LTK: variants seen among roughly 807,000 people sequenced by gnomAD.
The protein encoded by LTK is leukocyte tyrosine kinase receptor.
Under a neutral mutation model 101.5 loss-of-function variants are expected in LTK, and 117 were observed. The ratio of observed to expected loss-of-function variants is 1.15; its 90% CI spans 0.99 to 1.34. LTK has a LOEUF of 1.34. Ranked by LOEUF, LTK falls within the 40% of genes most tolerant of loss-of-function variation. The pLI, the probability that LTK is intolerant of heterozygous loss-of-function variation, is 0.00. For synonymous variants in LTK, 563 were observed against 494.2 expected (o/e 1.14, Z -1.85); for missense variants, 1,252 against 1,164.7 (o/e 1.07, Z -1.09).
In LTK at chr15:41,512,223, G is replaced by T. The variant is rs749488867; in HGVS notation, c.402C>A (p.Asn134Lys). Reference protein sequence around the residue: ...YGAAGGKGAKNHLSRAHGVFV... With the variant: ...YGAAGGKGAKKHLSRAHGVFV... ...AGACGCCATGCGCCCGCGACAGGTG[G>T]TTCTTGGCGCCTTTGCCGCCCGCGG... The change falls in exon 4 of 20, where the codon AAC becomes AAA. Residue 134 changes from asparagine to lysine, a missense_variant. Transcript: ENST00000263800. 1.9e-6 allele frequency: 3 copies of T among 1,612,992 alleles called. No homozygotes were observed. The highest frequency in any genetic ancestry group is 1.7e-6 in the Non-Finnish European group (2 of 1,179,838).
chr15:41,504,136 G>T lies in LTK; in HGVS notation c.2455C>A (p.Gln819Lys). The T allele has an allele frequency of 1.2e-6, 2 of 1,614,090 alleles. No homozygotes were observed. The highest frequency in any genetic ancestry group is 1.3e-5 in the African/African-American group (1 of 75,068). ...NRSLECLRPP[Q>K]PQELSPEKLK... Reference sequence around the variant, plus strand: ...TTCTCTGGACTCAGTTCCTGGGGCTGTGGGGGTCTTAGGCACTCCAAAGAT... The same window carrying T: ...TTCTCTGGACTCAGTTCCTGGGGCTTTGGGGGTCTTAGGCACTCCAAAGAT... Residue 819 changes from glutamine (Q) to lysine (K), a missense_variant, in exon 20 of 20, where the codon CAG becomes AAG. Transcript: ENST00000263800.
Position 41,513,520 on chromosome 15 carries a change from C to G in LTK, c.43+147G>C, listed in dbSNP as rs1368577884. 3 of 760,130 alleles carry G rather than the reference C, an allele frequency of 3.9e-6. No individual in the cohort carries two copies. In the African/African-American group the frequency reaches 5.2e-5, roughly 13 times the overall value. 47.1% of individuals were successfully genotyped at this position (760,130 alleles called of 1,614,324 possible). On this transcript the variant is annotated intron_variant, in intron 1 of 19. Transcript: ENST00000263800. ...CGCACTTGGCGCTTCTCGGCCCGCA[C>G]TCCAGAAGCACGGACCGGAGAAATT...
At chr15:41,506,332 T>G (rs2051281699) in intron 11 of LTK, among the ~76,000 whole-genome samples, 1 of 152,192 alleles carries the variant, frequency 6.6e-6, no homozygotes, top group African/African-American at 2.4e-5. Flanking sequence ...TTAAACGAAG[T>G]CTCACTCTGT....
In LTK at chr15:41,509,117, G is replaced by A; in HGVS notation, c.1010C>T (p.Ser337Leu). The A allele has an allele frequency of 6.2e-7, 1 of 1,612,158 alleles. No individual in the cohort carries two copies. Among genetic ancestry groups the A allele is most frequent in the Admixed American group, 1.7e-5 (1 of 60,008 alleles). ...ATCAGCCCAGAGGTTGTCAGTCTCT[G>A]AAGCGTCGCCCCCTGGAAGTGGAGA... ...GGGGYRGGDA[S>L]ETDNLWADGE... is the part of the protein sequence containing the mutation. Residue 337 changes from serine (S) to leucine (L), a missense_variant, in exon 8 of 20, where the codon TCA becomes TTA. By Grantham distance (145) the Ser-to-Leu change is moderately radical. Coordinates refer to ENST00000263800, the MANE Select transcript of LTK (RefSeq NM_002344.6).
At position 41,504,640 on chromosome 15, in the gene LTK, C is replaced by T. The variant is rs763155829; in HGVS notation, c.2121G>A (p.Trp707Ter). The change falls in exon 18 of 20, where the codon TGG becomes TGA. Residue 707 changes from tryptophan to a stop codon, truncating the protein, a stop_gained and splice_region_variant. Coordinates refer to ENST00000263800, the MANE Select transcript of LTK (RefSeq NM_002344.6). LOFTEE classifies it high-confidence loss of function. ...TCTCCCAGAGCAGCACCCCAAAAGA[C>T]CTGCATCACAAGTGGGGGAACCAAG... ...EGIFTSKTDS[W>*]SFGVLLWEIF... The T allele has an allele frequency of 3.1e-6, 5 of 1,612,438 alleles. No homozygotes were observed. Among genetic ancestry groups the T allele is most frequent in the South Asian group, 2.2e-5 (2 of 90,986 alleles).
rs753210187 is a variant in LTK, at chr15:41,507,558, G to A, written c.1345+4C>T. 1.4e-5 allele frequency: 22 copies of A among 1,613,302 alleles called. No individual in the cohort carries two copies. Among genetic ancestry groups the A allele is most frequent in the Middle Eastern group, 1.6e-4 (1 of 6,082 alleles). On this transcript the variant is annotated splice_donor_region_variant and intron_variant, in intron 10 of 19. Transcript: ENST00000263800. ...ATCAACTGTGCCTGCTAGACGCTTCGTACCCAGAATCAGGACCCCACACAC... is the reference window on the plus strand; with the variant it reads ...ATCAACTGTGCCTGCTAGACGCTTCATACCCAGAATCAGGACCCCACACAC...
At chr15:41,504,947 C>G (rs368894673) in intron 16 of LTK, 25 bp downstream of exon 16, 1 of 1,599,276 alleles carries the variant, frequency 6.3e-7, no homozygotes, top group Admixed American at 1.7e-5. Flanking sequence ...GGAGCAAGAG[C>G]CTTCCCACCT....
rs771858625 is a variant in LTK, at chr15:41,507,245, C to T, written c.1391G>A (p.Ser464Asn). The T allele has an allele frequency of 5.0e-6, 8 of 1,608,930 alleles. No homozygotes were observed. The highest frequency in any genetic ancestry group is 2.2e-5 in the South Asian group (2 of 90,722). ...AAGCTTGCTCAGCTCAAGCTCAGGGCTCGGCAGCCTCATCTCCTGCAGGCC... is the reference window on the plus strand; with the variant it reads ...AAGCTTGCTCAGCTCAAGCTCAGGGTTCGGCAGCCTCATCTCCTGCAGGCC... ...WQGLQEMRLP[S>N]PELELSKLRT... The change falls in exon 11 of 20, where the codon AGC becomes AAC. Residue 464 changes from serine (S) to asparagine (N), a missense_variant. Physicochemically the swap from Ser to Asn is conservative, Grantham distance 46. Coordinates refer to ENST00000263800, the MANE Select transcript of LTK (RefSeq NM_002344.6).
Position 41,504,385 on chromosome 15 carries a change from G to A in LTK, c.2303C>T (p.Pro768Leu), listed in dbSNP as rs2051177448. The A allele has an allele frequency of 1.2e-6, 2 of 1,614,172 alleles. No individual in the cohort carries two copies. The highest frequency in any genetic ancestry group is 2.7e-5 in the African/African-American group (2 of 75,056). ...ACGCTCCAAGATGCTGGCAAAGCTA[G>A]GGCGGAGCTCAGGCTCGTGCTGCCA... ...QCWQHEPELR[P>L]SFASILERLQ... Residue 768 changes from proline to leucine, a missense_variant, in exon 19 of 20, where the codon CCT (proline) becomes CTT (leucine). By Grantham distance (98) the Pro-to-Leu change is moderately conservative (BLOSUM62 -3). Transcript: ENST00000263800.
In LTK at chr15:41,512,741, G is replaced by T. The variant is rs765867587; in HGVS notation, c.325C>A (p.Gln109Lys). 5 of 1,606,988 alleles carry T rather than the reference G, an allele frequency of 3.1e-6. No individual in the cohort carries two copies. The highest frequency in any genetic ancestry group is 4.2e-6 in the Non-Finnish European group (5 of 1,178,224). ...VGAAGQLRGV[Q>K]LWRVPGPGQY... is the part of the protein sequence containing the mutation. Reference sequence around the variant, plus strand: ...CCAGGGCCCGGCACGCGCCACAGCTGCACGCCTCTCAGCTGCCCGGCGGCC... The same window carrying T: ...CCAGGGCCCGGCACGCGCCACAGCTTCACGCCTCTCAGCTGCCCGGCGGCC... Residue 109 changes from glutamine (Q) to lysine (K), a missense_variant, in exon 3 of 20, where the codon CAG (glutamine) becomes AAG (lysine). By Grantham distance (53) the Gln-to-Lys change is moderately conservative. Coordinates refer to ENST00000263800, the MANE Select transcript of LTK (RefSeq NM_002344.6).
intron 12 of LTK, 21 bp downstream of exon 12, chr15:41,505,894 C>T (rs371437207): frequency 1.8e-5 from 29 of 1,609,100 alleles, no homozygotes; most frequent in Non-Finnish European, 2.4e-5. Flanking sequence ...TACCCCCAGC[C>T]AGAAGTCCCA....
At position 41,511,561 on chromosome 15, in the gene LTK, C is replaced by A; in HGVS notation, c.675G>T (p.Leu225=). Residue 225 remains leucine (L), a synonymous_variant, in exon 6 of 20, where the codon CTG becomes CTT. Coordinates refer to ENST00000263800, the MANE Select transcript of LTK (RefSeq NM_002344.6). This position sits in a 1 kb window ranked among gnomAD's most constrained non-coding sequence, Gnocchi z 5.9. Reference sequence around the variant, plus strand: ...CTCCGGCCGCCACCAGCAACGGTTCCAGCTCGCCAGCGCGCACCTGTGGGG... The same window carrying A: ...CTCCGGCCGCCACCAGCAACGGTTCAAGCTCGCCAGCGCGCACCTGTGGGG... The part of the protein sequence containing the change: ...TYVFRVRAGE[L]EPLLVAAGGG... The A allele has an allele frequency of 6.9e-7, 1 of 1,449,584 alleles. No individual in the cohort carries two copies. The highest frequency in any genetic ancestry group is 9.0e-7 in the Non-Finnish European group (1 of 1,113,208). 89.8% of individuals were successfully genotyped at this position (1,449,584 alleles called of 1,614,324 possible). A position where few individuals can be genotyped will look rare whatever the true frequency, so the allele number is the denominator to read the frequency against.
At chr15:41,507,414 C>T in intron 10 of LTK, 124 bp from the exon 11 acceptor site, 1 of 1,519,712 alleles carries the variant, frequency 6.6e-7, no homozygotes, top group Non-Finnish European at 8.9e-7. Context: ...TCCCCAGCTC[C>T]TTCCTATCTT....
chr15:41,513,685 C>T lies in LTK; in HGVS notation c.25G>A (p.Val9Met). The change falls in exon 1 of 20, where the codon GTG becomes ATG. Residue 9 changes from valine (V) to methionine (M), a missense_variant. Physicochemically the swap from Val to Met is conservative, Grantham distance 21. Transcript: ENST00000263800. The stretch of plus-strand genomic sequence containing the variant: ...CACTTACCCGCGGCTCCGAACCACA[C>T]CAGCAGCTGTCCCCAGCAGCCCATC... MGCWGQLLVWFGAAGAILC... is the reference protein window; with the variant it reads MGCWGQLLMWFGAAGAILC... The T allele has an allele frequency of 6.2e-7, 1 of 1,612,790 alleles. No individual in the cohort carries two copies. Among genetic ancestry groups the T allele is most frequent in the Non-Finnish European group, 8.5e-7 (1 of 1,179,542 alleles).
In LTK at chr15:41,511,145, T is replaced by A. The variant is rs200841543; in HGVS notation, c.997+19A>T. The A allele has an allele frequency of 1.8e-5, 25 of 1,393,140 alleles. No individual in the cohort carries two copies. In the African/African-American group the frequency reaches 3.5e-4, roughly 19 times the overall value. The allele number at this position is 1,393,140 out of a possible 1,614,324, so 86.3% of individuals were successfully genotyped here. ...CACCCTCGGGCCTGCTCAGCTGCCCTCTCCAACGGTGCACCTACCCCTGTA... is the reference window on the plus strand; with the variant it reads ...CACCCTCGGGCCTGCTCAGCTGCCCACTCCAACGGTGCACCTACCCCTGTA... On this transcript the variant is annotated intron_variant, in intron 7 of 19. Transcript: ENST00000263800. This position sits in a 1 kb window ranked among gnomAD's most constrained non-coding sequence, Gnocchi z 5.9.
At position 41,504,496 on chromosome 15, in the gene LTK, C is replaced by G; in HGVS notation, c.2255+10G>C. 6.2e-7 allele frequency: 1 copy of G among 1,613,180 alleles called. No individual in the cohort carries two copies. Among genetic ancestry groups the G allele is most frequent in the Non-Finnish European group, 8.5e-7 (1 of 1,179,496 alleles). On this transcript the variant is annotated intron_variant, in intron 18 of 19. Transcript: ENST00000263800. The stretch of plus-strand genomic sequence containing the variant: ...GAAGGACCTCCCTTCCCGGGCAGCA[C>G]TCAACTCACACAGGCCCTGGGCAGC...
rs968788278 is a variant in LTK at position 41,503,661 on chromosome 15, T to C, written c.*335A>G. 2.3e-5 allele frequency: 14 copies of C among 599,116 alleles called. No individual in the cohort carries two copies. The highest frequency in any genetic ancestry group is 7.3e-5 in the African/African-American group (4 of 55,120). 37.1% of individuals were successfully genotyped at this position (599,116 alleles called of 1,614,324 possible). A position where few individuals can be genotyped will look rare whatever the true frequency, so the allele number is the denominator to read the frequency against. On this transcript the variant is annotated 3_prime_UTR_variant, in exon 20 of 20. Coordinates refer to ENST00000263800, the MANE Select transcript of LTK (RefSeq NM_002344.6). ...CTGGAGGATGAGAAGAGCTTTTTATTAGAAGCATCTGCAGGGTGGGGGGTC... is the reference window on the plus strand; with the variant it reads ...CTGGAGGATGAGAAGAGCTTTTTATCAGAAGCATCTGCAGGGTGGGGGGTC...
In LTK at chr15:41,507,177, G is replaced by A; in HGVS notation, c.1459C>T (p.Gln487Ter). 1 of 1,613,746 alleles carries A rather than the reference G, an allele frequency of 6.2e-7. No individual in the cohort carries two copies. Among genetic ancestry groups the A allele is most frequent in the Non-Finnish European group, 8.5e-7 (1 of 1,179,918 alleles). The change falls in exon 11 of 20, where the codon CAG becomes TAG. Residue 487 changes from glutamine to a stop codon, truncating the protein, a stop_gained. Coordinates refer to ENST00000263800, the MANE Select transcript of LTK (RefSeq NM_002344.6). LOFTEE classifies it high-confidence loss of function. ...GACTGGGCCGGGCCAAGCCCCACCT[G>A]GCAATAATAGGGATTGGGGGCTGTC... is the stretch of plus-strand genomic sequence containing the variant. ...IRTAPNPYYC[Q>*]VGLGPAQSWP...
At position 41,511,524 on chromosome 15, in the gene LTK, C is replaced by T; in HGVS notation, c.712G>A (p.Ala238Thr). The change falls in exon 6 of 20, where the codon GCC (alanine) becomes ACC (threonine). Residue 238 changes from alanine to threonine, a missense_variant. Transcript: ENST00000263800. The surrounding 1 kb of genome is among the most constrained non-coding windows in gnomAD (Gnocchi z 5.9). ...LLVAAGGGGR[A>T]YLRPRDRGRT... is the part of the protein sequence containing the mutation. The stretch of plus-strand genomic sequence containing the variant: ...CCTCGGTCCCGCGGCCTCAGGTAGG[C>T]CCGACCGCCGCCTCCGGCCGCCACC... 2 of 1,470,654 alleles carry T rather than the reference C, an allele frequency of 1.4e-6. No homozygotes were observed. Among genetic ancestry groups the T allele is most frequent in the Non-Finnish European group, 1.8e-6 (2 of 1,122,248 alleles). The allele number at this position is 1,470,654 out of a possible 1,614,324, so 91.1% of individuals were successfully genotyped here.
Sources: allele counts gnomAD v4.1 joint callset (sites outside exome capture counted in the v4.1 genomes callset), GRCh38; gene constraint gnomAD v4.1.1; non-coding constraint Gnocchi (gnomAD v3.1); transcripts MANE v1.5; gene names NCBI Gene and HGNC (gene_info 2026-07-23, HGNC 2026-07-21).